Variants in ADAMTS12 observed in about 807,000 individuals in gnomAD.
The protein encoded by ADAMTS12 is A disintegrin and metalloproteinase with thrombospondin motifs 12.
Under a neutral mutation model 167.8 loss-of-function variants are expected in ADAMTS12, and 118 were observed. The ratio of observed to expected loss-of-function variants is 0.70; its 90% confidence interval spans 0.61 to 0.82. ADAMTS12 has a LOEUF of 0.82. ADAMTS12 is among the 40% of genes least tolerant of loss of function. The pLI is 0.00. For synonymous variants in ADAMTS12, 704 were observed against 716.9 expected, an observed-to-expected ratio of 0.98 and a Z score of 0.29; for missense variants, 1,916 against 1,998.8, an observed-to-expected ratio of 0.96 and a Z score of 0.79.
At chr5:33,595,584 T>C (rs16891385) in intron 17 of ADAMTS12, among the ~76,000 whole-genome samples, 7,078 of 152,308 alleles carry the variant, frequency 0.046, 449 homozygotes, top group East Asian at 0.25. Context: ...ACCTTTTGTC[T>C]GAAGGCTGGT....
At chr5:33,742,754 C>CTCATTCATTCAT (rs796449776) in intron 3 of ADAMTS12, among the ~76,000 whole-genome samples, 2,371 of 152,302 alleles carry the variant, frequency 0.016, 62 homozygotes, top group African/African-American at 0.053. Flanking sequence ...CACTCATTTA[C>CTCATTCATTCAT]TCATTCATTC....
chr5:33,560,885 G>A (rs1199386636), intron 20 of ADAMTS12, 142 bp downstream of exon 20: 20 of 1,121,952 alleles, frequency 1.8e-5, no homozygotes, highest in African/African-American at 3.2e-5. Flanking sequence ...AAACCTGAAC[G>A]TTGTGCACAT....
chr5:33,567,474 GGAA>G (rs1746070809), intron 19 of ADAMTS12, among the ~76,000 whole-genome samples: 1 of 152,198 alleles, frequency 6.6e-6, no homozygotes, highest in African/African-American at 2.4e-5. Flanking sequence ...CCATGATTTA[GGAA>G]GAAAATACAT....
intron 3 of ADAMTS12, 31 bp downstream of exon 3, chr5:33,751,373 T>G: frequency 6.2e-7 from 1 of 1,614,088 alleles, no homozygotes; most frequent in Non-Finnish European, 8.5e-7. Flanking sequence ...AACAGATTCT[T>G]CAACCCAGGA....
At chr5:33,543,502 A>G (rs1561113398) in intron 22 of ADAMTS12, among the ~76,000 whole-genome samples, 1 of 152,226 alleles carries the variant, frequency 6.6e-6, no homozygotes, top group Non-Finnish European at 1.5e-5. Context: ...AATCCTCTGT[A>G]ACTCATTTTA....
intron 20 of ADAMTS12, among the ~76,000 whole-genome samples, chr5:33,554,311 G>T (rs1745395463): frequency 6.6e-6 from 1 of 152,148 alleles, no homozygotes; most frequent in Non-Finnish European, 1.5e-5. Flanking sequence ...CAGGGGGTAG[G>T]GGTAGACAGA....
At chr5:33,774,983 C>T (rs1031088067) in intron 2 of ADAMTS12, among the ~76,000 whole-genome samples, 2 of 152,124 alleles carry the variant, frequency 1.3e-5, no homozygotes, top group Admixed American at 1.3e-4. Flanking sequence ...GGTAAAAATA[C>T]AGATTCTTAG....
chr5:33,863,313 T>C (rs548638709), intron 2 of ADAMTS12, among the ~76,000 whole-genome samples: 41 of 152,308 alleles, frequency 2.7e-4, no homozygotes, highest in Non-Finnish European at 4.9e-4. Flanking sequence ...CTGTCCAAAA[T>C]TTCCTTAAGC....
intron 3 of ADAMTS12, among the ~76,000 whole-genome samples, chr5:33,744,540 C>G (rs1399644756): frequency 6.6e-6 from 1 of 152,174 alleles, no homozygotes; most frequent in African/African-American, 2.4e-5. Context: ...AAATATTTCT[C>G]TGACTTCTAA....
At chr5:33,733,106 A>G (rs1744247486) in intron 3 of ADAMTS12, among the ~76,000 whole-genome samples, 1 of 151,956 alleles carries the variant, frequency 6.6e-6, no homozygotes, top group Non-Finnish European at 1.5e-5. Flanking sequence ...CATATTCACA[A>G]ATAGTGGCTA....
rs1159095192 is a variant in ADAMTS12, at chr5:33,576,251, G to T, written c.3775C>A (p.Pro1259Thr). The T allele has an allele frequency of 5.0e-6, 8 of 1,614,068 alleles. No individual in the cohort carries two copies. In the Middle Eastern group the frequency reaches 4.9e-4, roughly 99 times the overall value. Reference protein sequence around the residue: ...LPLGGDHQPEPSGKTANRNHL... With the variant: ...LPLGGDHQPETSGKTANRNHL... ...TTACGGTTTGCCGTCTTTCCTGAGG[G>T]TTCTGGCTGGTGGTCTCCTCCCAGA... is the stretch of plus-strand genomic sequence containing the variant. The change falls in exon 19 of 24, where the codon CCC (proline) becomes ACC (threonine). Residue 1259 changes from proline to threonine, a missense_variant. Physicochemically the swap from Pro to Thr is conservative, Grantham distance 38 (BLOSUM62 -1). Coordinates refer to ENST00000504830, the MANE Select transcript of ADAMTS12 (RefSeq NM_030955.4).
At chr5:33,597,764 G>A (rs1236611572) in intron 16 of ADAMTS12, among the ~76,000 whole-genome samples, 8 of 152,076 alleles carry the variant, frequency 5.3e-5, no homozygotes, top group African/African-American at 7.2e-5. Context: ...AACAGATGTC[G>A]GTGGAATAGA....
intron 5 of ADAMTS12, among the ~76,000 whole-genome samples, chr5:33,675,300 A>C (rs764214693): frequency 6.6e-6 from 1 of 152,198 alleles, no homozygotes; most frequent in Non-Finnish European, 1.5e-5. Flanking sequence ...TGGACCATCT[A>C]AATATATGGG....
Position 33,576,412 on chromosome 5 carries a change from C to A in ADAMTS12, c.3614G>T (p.Ser1205Ile). Residue 1205 changes from serine (S) to isoleucine (I), a missense_variant, in exon 19 of 24, where the codon AGC (serine) becomes ATC (isoleucine). Transcript: ENST00000504830. ...PLAPPLTPDL[S>I]RESWWPPFST... ...GAAGGGTGGCCACCAGGACTCCCTGCTGAGATCTGGTGTTAGTGGAGGTGC... is the reference window on the plus strand; with the variant it reads ...GAAGGGTGGCCACCAGGACTCCCTGATGAGATCTGGTGTTAGTGGAGGTGC... The A allele has an allele frequency of 6.2e-7, 1 of 1,613,724 alleles. No individual in the cohort carries two copies. The highest frequency in any genetic ancestry group is 8.5e-7 in the Non-Finnish European group (1 of 1,179,756).
intron 3 of ADAMTS12, among the ~76,000 whole-genome samples, chr5:33,732,464 C>T (rs545956492): frequency 1.3e-5 from 2 of 152,190 alleles, no homozygotes; most frequent in East Asian, 3.9e-4. Flanking sequence ...TAAGAAATTG[C>T]TAATAATCCT....
chr5:33,592,814 A>T (rs1747712717), intron 17 of ADAMTS12, among the ~76,000 whole-genome samples: 1 of 152,162 alleles, frequency 6.6e-6, no homozygotes, highest in Non-Finnish European at 1.5e-5. Context: ...TGCACAGGAA[A>T]TTTTTTGGGA....
At chr5:33,759,405 CA>C (rs1180611792) in intron 2 of ADAMTS12, among the ~76,000 whole-genome samples, 1 of 152,216 alleles carries the variant, frequency 6.6e-6, no homozygotes. Flanking sequence ...CCAGCATTAA[CA>C]AGCAGTTTTT....
At chr5:33,588,861 TC>T (rs1579711729) in intron 17 of ADAMTS12, 52 bp from the exon 18 acceptor site, 1 of 1,594,700 alleles carries the variant, frequency 6.3e-7, no homozygotes, top group Non-Finnish European at 8.5e-7. Context: ...ACGCATATGT[TC>T]CATTCAACCA....
At chr5:33,857,271 T>A (rs1471846456) in intron 2 of ADAMTS12, among the ~76,000 whole-genome samples, 1 of 151,828 alleles carries the variant, frequency 6.6e-6, no homozygotes, top group Non-Finnish European at 1.5e-5. Flanking sequence ...AAGCGGGAAA[T>A]GGGGAGATGT....
Sources: gnomAD v4.1 joint callset for allele counts (sites outside exome capture counted in the v4.1 genomes callset) on GRCh38, gnomAD v4.1.1 for gene constraint, MANE v1.5 for transcripts, NCBI Gene and HGNC (gene_info 2026-07-23, HGNC 2026-07-21) for gene names.